Variants in CNOT11 observed in about 807,000 individuals in gnomAD.
CNOT11 encodes UPF0760 protein C2orf29.
A neutral mutation model predicts 44.6 loss-of-function variants in CNOT11; 18 were observed. That is an observed-to-expected ratio of 0.40 (90% CI 0.28 to 0.60). The LOEUF is 0.60. Ranked by LOEUF, CNOT11 falls within the 20% of genes least tolerant of loss-of-function variation. The pLI is 0.38. For missense variants in CNOT11, 513 were observed against 677.0 expected, an observed-to-expected ratio of 0.76 and a Z score of 2.69; for synonymous variants, 291 against 270.9, an observed-to-expected ratio of 1.07 and a Z score of -0.73.
rs1681941203 is a variant in CNOT11, at chr2:101,264,753, G to A, written c.833-92G>A. 40 of 1,003,556 alleles carry A rather than the reference G, an allele frequency of 4.0e-5. 1 individual carries two copies. The South Asian group carries it at 5.5e-4, about 14-fold the overall frequency. 62.2% of individuals were successfully genotyped at this position (1,003,556 alleles called of 1,614,324 possible). Reference sequence around the variant, plus strand: ...TCTAGTCACATCATCCTTATTAAGAGATTTCTTTGCATACTTTATTAAGTG... The same window carrying A: ...TCTAGTCACATCATCCTTATTAAGAAATTTCTTTGCATACTTTATTAAGTG... On this transcript the variant is annotated intron_variant, in intron 3 of 6. Transcript: ENST00000289382.
chr2:101,267,526 T>C (rs543950809), intron 5 of CNOT11, among the ~76,000 whole-genome samples: 39 of 152,214 alleles, frequency 2.6e-4, no homozygotes, highest in Admixed American at 4.6e-4. Context: ...TGTGGAAAAA[T>C]ATGGACCTTA....
Position 101,257,939 on chromosome 2 carries a change from T to A in CNOT11, c.663T>A (p.Leu221=), listed in dbSNP as rs1301314829. ...NMGQSVDISG[L]QLALAERQSE... ...GCCAGTCTGTGGACATTAGTGGGCT[T>A]CAGTTAGCCTTGGCCGGTAAGGAGG... Residue 221 remains leucine, a synonymous_variant, in exon 2 of 7, where the codon CTT becomes CTA. Coordinates refer to ENST00000289382, the MANE Select transcript of CNOT11 (RefSeq NM_017546.5). 6.2e-7 allele frequency: 1 copy of A among 1,613,330 alleles called. No homozygotes were observed. The highest frequency in any genetic ancestry group is 8.5e-7 in the Non-Finnish European group (1 of 1,179,598).
At chr2:101,254,554 AGAAAGTGAAT>A (rs1226862917) in intron 1 of CNOT11, among the ~76,000 whole-genome samples, 2 of 152,142 alleles carry the variant, frequency 1.3e-5, no homozygotes, top group Non-Finnish European at 2.9e-5. Flanking sequence ...GTGACTGCCC[AGAAAGTGAAT>A]GTAACACAGG....
chr2:101,266,416 G>A (rs1681984123), intron 4 of CNOT11, among the ~76,000 whole-genome samples: 1 of 152,106 alleles, frequency 6.6e-6, no homozygotes, highest in African/African-American at 2.4e-5. Context: ...AGTCTGGTTT[G>A]ATGCCCAGGA....
chr2:101,262,772 T>A, intron 3 of CNOT11, 81 bp downstream of exon 3: 1 of 1,126,960 alleles, frequency 8.9e-7, no homozygotes, highest in East Asian at 2.4e-5. Context: ...TTTTGAGACA[T>A]CATTTTATTT....
intron 2 of CNOT11, among the ~76,000 whole-genome samples, chr2:101,261,869 T>C (rs1446830809): frequency 1.0e-4 from 13 of 127,522 alleles, no homozygotes; most frequent in African/African-American, 3.0e-4. Context: ...TTTTTTGAGA[T>C]GGAGTCTCGC....
In CNOT11 at chr2:101,270,102, C is replaced by T. The variant is rs1400104813; in HGVS notation, c.*689C>T. ...TTTTTTTTTTTTCTCTTAAGATGTT[C>T]TGTTATTAGTCTGAGACAGCCATTT... On this transcript the variant is annotated 3_prime_UTR_variant, in exon 7 of 7. Coordinates refer to ENST00000289382, the MANE Select transcript of CNOT11 (RefSeq NM_017546.5). 1.3e-5 allele frequency: 2 copies of T among 150,116 alleles called. No homozygotes were observed. The highest frequency in any genetic ancestry group is 2.5e-5 in the African/African-American group (1 of 40,590). The allele number at this position is 150,116 out of a possible 1,614,324, so 9.3% of individuals were successfully genotyped here. A position where few individuals can be genotyped will look rare whatever the true frequency, so the allele number is the denominator to read the frequency against.
At chr2:101,267,230 C>T (rs1682007897) in intron 5 of CNOT11, among the ~76,000 whole-genome samples, 1 of 151,720 alleles carries the variant, frequency 6.6e-6, no homozygotes, top group Admixed American at 6.6e-5. Context: ...TCAAGCAATT[C>T]TCCTGCCTTA....
intron 3 of CNOT11, among the ~76,000 whole-genome samples, chr2:101,263,590 G>A (rs1031221372): frequency 6.6e-6 from 1 of 152,190 alleles, no homozygotes; most frequent in Non-Finnish European, 1.5e-5. Flanking sequence ...ATGAAGGCAA[G>A]CTTTCTGCTT....
intron 4 of CNOT11, among the ~76,000 whole-genome samples, chr2:101,266,138 G>C (rs1681976547): frequency 6.6e-6 from 1 of 152,224 alleles, no homozygotes; most frequent in Admixed American, 6.5e-5. Flanking sequence ...GAATTACAAA[G>C]TGTGGGTGTG....
At chr2:101,268,906 A>G (rs1260406159) in intron 5 of CNOT11, 134 bp from the exon 6 acceptor site, 3 of 605,396 alleles carry the variant, frequency 5.0e-6, no homozygotes, top group Non-Finnish European at 8.8e-6. Context: ...GCCCAAGTAT[A>G]TTTAAAACTA....
At chr2:101,265,114 T>A (rs1037925347) in intron 4 of CNOT11, 67 bp downstream of exon 4, 22 of 1,203,456 alleles carry the variant, frequency 1.8e-5, no homozygotes, top group Admixed American at 3.0e-5. Flanking sequence ...AAAAAATTTG[T>A]TTTTGAGACA....
intron 5 of CNOT11, 82 bp from the exon 6 acceptor site, chr2:101,268,958 C>A: frequency 2.2e-6 from 2 of 891,036 alleles, no homozygotes; most frequent in Admixed American, 2.6e-5. Context: ...ATGACCAAAG[C>A]AAATTTTGTA....
chr2:101,258,393 C>CTCAA (rs1311896276), intron 2 of CNOT11, among the ~76,000 whole-genome samples: 1 of 128,538 alleles, frequency 7.8e-6, no homozygotes, highest in East Asian at 2.1e-4. Flanking sequence ...GAGACTCCAT[C>CTCAA]TCAATAAATA....
At chr2:101,258,029 A>C (rs1296914304) in intron 2 of CNOT11, 74 bp downstream of exon 2, 1 of 1,414,318 alleles carries the variant, frequency 7.1e-7, no homozygotes, top group Admixed American at 2.2e-5. Flanking sequence ...CTCTACTAAA[A>C]TGATGTTTTT....
intron 4 of CNOT11, 77 bp downstream of exon 4, chr2:101,265,124 A>T (rs914394260): frequency 2.0e-5 from 21 of 1,038,446 alleles, no homozygotes; most frequent in Non-Finnish European, 2.7e-5. Flanking sequence ...TTTTTGAGAC[A>T]GAGTCTCACT....
rs536995904 is a variant in CNOT11, at chr2:101,253,309, C to G, written c.345C>G (p.Pro115=). Reference sequence around the variant, plus strand: ...TGCTCGTCATGCTGCTCCAGCAGCCCGACCTGCTGCCTAGCGCGGCGCAGC... The same window carrying G: ...TGCTCGTCATGCTGCTCCAGCAGCCGGACCTGCTGCCTAGCGCGGCGCAGC... The part of the protein sequence containing the change: ...GSVLVMLLQQ[P]DLLPSAAQRL... Residue 115 remains proline, a synonymous_variant, in exon 1 of 7, where the codon CCC becomes CCG. Coordinates refer to ENST00000289382, the MANE Select transcript of CNOT11 (RefSeq NM_017546.5). This position sits in a 1 kb window ranked among gnomAD's most constrained non-coding sequence, Gnocchi z 4.3. 2.2e-4 allele frequency: 352 copies of G among 1,609,420 alleles called. 3 individuals carry two copies. In the South Asian group the frequency reaches 3.6e-3, roughly 16 times the overall value.
chr2:101,261,516 G>A (rs546401392), intron 2 of CNOT11, among the ~76,000 whole-genome samples: 5 of 152,286 alleles, frequency 3.3e-5, no homozygotes, highest in East Asian at 1.9e-4. Flanking sequence ...TCTGGGGCGC[G>A]TGTGAAAGTG....
At position 101,258,395 on chromosome 2, in the gene CNOT11, CAATAAATAAATAAATA is replaced by C. The variant is rs58613763; in HGVS notation, c.679+468_679+483del. ...CCTGGGCTACAGTGAGACTCCATCT[CAATAAATAAATAAATA>C]AATAAATAAATAAATAAATAAATAA... is the stretch of plus-strand genomic sequence containing the variant. On this transcript the variant is annotated intron_variant, in intron 2 of 6. Transcript: ENST00000289382. Among the ~76,000 whole-genome samples, 886 of 144,714 alleles carry C rather than the reference CAATAAATAAATAAATA, an allele frequency of 6.1e-3. 6 individuals carry two copies. Among genetic ancestry groups the C allele is most frequent in the Non-Finnish European group, 9.4e-3 (621 of 66,350 alleles). 94.9% of individuals were successfully genotyped at this position (144,714 alleles called of 152,430 possible).
Sources: gnomAD v4.1 joint callset for allele counts (sites outside exome capture counted in the v4.1 genomes callset) on GRCh38, gnomAD v4.1.1 for gene constraint, Gnocchi (gnomAD v3.1) non-coding constraint, MANE v1.5 for transcripts, NCBI Gene and HGNC (gene_info 2026-07-23, HGNC 2026-07-21) for gene names.